The following HS3ST1 variants were observed in gnomAD, a reference collection of about 807,000 sequenced individuals.
HS3ST1 encodes the protein heparan sulfate glucosamine 3-O-sulfotransferase 1.
Under a neutral mutation model 20.7 loss-of-function variants are expected in HS3ST1, and 8 were observed. The ratio of observed to expected loss-of-function variants is 0.39; its 90% CI spans 0.23 to 0.70. The LOEUF is 0.70. HS3ST1 is among the 30% of genes least tolerant of loss of function. The pLI is 0.46. For missense variants in HS3ST1, 436 were observed against 423.4 expected (o/e 1.03, Z -0.26); for synonymous variants, 205 against 190.4 (o/e 1.08, Z -0.63).
upstream of HS3ST1, among the ~76,000 whole-genome samples, chr4:11,434,212 CTA>C (rs1388114168): frequency 6.6e-6 from 1 of 152,010 alleles, no homozygotes; most frequent in Non-Finnish European, 1.5e-5. Context: ...TAAGAACTGG[CTA>C]TATATATATT....
chr4:11,400,215 C>G (rs951710504), intron 1 of HS3ST1, 102 bp from the exon 2 acceptor site: 3 of 961,022 alleles, frequency 3.1e-6, no homozygotes, highest in South Asian at 4.9e-5. Context: ...TTCACCTCCC[C>G]AGGACTCTCA....
rs746680525 is a variant in HS3ST1, at chr4:11,399,251, T to C, written c.755A>G (p.Lys252Arg). The C allele has an allele frequency of 1.2e-6, 2 of 1,614,056 alleles. No homozygotes were observed. The highest frequency in any genetic ancestry group is 1.7e-5 in the Admixed American group (1 of 60,006). Residue 252 changes from lysine (K) to arginine (R), a missense_variant, in exon 2 of 2, where the codon AAG becomes AGG. Transcript: ENST00000002596. The surrounding 1 kb of genome is among the most constrained non-coding windows in gnomAD (Gnocchi z 5.1). Reference sequence around the variant, plus strand: ...GCTGTCCCGCAGGCAGTAAAAGCCCTTGGTTTTGTTAAAGTAGAAGTTCGA... The same window carrying C: ...GCTGTCCCGCAGGCAGTAAAAGCCCCTGGTTTTGTTAAAGTAGAAGTTCGA... ...NASNFYFNKT[K>R]GFYCLRDSGR...
intron 1 of HS3ST1, among the ~76,000 whole-genome samples, chr4:11,413,632 G>C (rs1007414525): frequency 2.0e-5 from 3 of 152,056 alleles, no homozygotes; most frequent in African/African-American, 7.2e-5. Flanking sequence ...AACAACTTGG[G>C]ACCATGCAGG....
chr4:11,399,524 A>T lies in HS3ST1; in HGVS notation c.482T>A (p.Phe161Tyr), dbSNP rs1408794311. Residue 161 changes from phenylalanine (F) to tyrosine (Y), a missense_variant, in exon 2 of 2, where the codon TTC becomes TAC. Transcript: ENST00000002596. The surrounding 1 kb of genome is among the most constrained non-coding windows in gnomAD (Gnocchi z 5.1). ...CTTGTGCTTCTGCATGTGGTTGTAG[A>T]ACACTTGGGTGTAGTCAGATAGCAC... ...ERVLSDYTQV[F>Y]YNHMQKHKPY... The T allele has an allele frequency of 6.8e-6, 11 of 1,613,922 alleles. No individual in the cohort carries two copies. Among genetic ancestry groups the T allele is most frequent in the Non-Finnish European group, 9.3e-6 (11 of 1,180,010 alleles).
chr4:11,396,779 G>A lies in HS3ST1; in HGVS notation c.*2303C>T, dbSNP rs781416377. On this transcript the variant is annotated 3_prime_UTR_variant, in exon 2 of 2. Coordinates refer to ENST00000002596, the MANE Select transcript of HS3ST1 (RefSeq NM_005114.4). ...CTCATTTGAACATTCCTTTAGCCAC[G>A]ACTCTGCACCCCCAAATGAAAACAT... is the stretch of plus-strand genomic sequence containing the variant. 6.6e-6 allele frequency: 1 copy of A among 152,186 alleles called. No individual in the cohort carries two copies. Among genetic ancestry groups the A allele is most frequent in the Non-Finnish European group, 1.5e-5 (1 of 68,074 alleles). The allele number at this position is 152,186 out of a possible 1,614,324, so 9.4% of individuals were successfully genotyped here.
upstream of HS3ST1, among the ~76,000 whole-genome samples, chr4:11,433,245 G>A (rs990668186): frequency 8.5e-5 from 13 of 152,158 alleles, no homozygotes; most frequent in Non-Finnish European, 1.3e-4. Flanking sequence ...TCTGGGCAGT[G>A]TGCCTAAGAC....
At chr4:11,411,451 T>C (rs1280091978) in intron 1 of HS3ST1, among the ~76,000 whole-genome samples, 36 of 152,224 alleles carry the variant, frequency 2.4e-4, no homozygotes, top group Admixed American at 2.4e-3. Context: ...ATACTGATGC[T>C]TCAGGTTCTA....
chr4:11,417,521 C>T (rs1459415166), intron 1 of HS3ST1, among the ~76,000 whole-genome samples: 1 of 152,028 alleles, frequency 6.6e-6, no homozygotes. Flanking sequence ...ATTCACCTGC[C>T]CAAGGTGATA....
intron 1 of HS3ST1, among the ~76,000 whole-genome samples, chr4:11,426,456 G>GT (rs907503382): frequency 6.6e-6 from 1 of 151,962 alleles, no homozygotes; most frequent in Non-Finnish European, 1.5e-5. Flanking sequence ...GGGACCCAGG[G>GT]GGGGGGCTTG....
Position 11,399,105 on chromosome 4 carries a change from C to G in HS3ST1, c.901G>C (p.Gly301Arg), listed in dbSNP as rs1401291949. 1.2e-6 allele frequency: 2 copies of G among 1,612,754 alleles called. No homozygotes were observed. The highest frequency in any genetic ancestry group is 1.7e-6 in the Non-Finnish European group (2 of 1,178,936). ...AATCAGTGCCAGTCAAATGTTCTGCCAACAAGCTCGAAGAACTTCTTATTT... is the reference window on the plus strand; with the variant it reads ...AATCAGTGCCAGTCAAATGTTCTGCGAACAAGCTCGAAGAACTTCTTATTT... ...EPNKKFFELV[G>R]RTFDWH The change falls in exon 2 of 2, where the codon GGC (glycine) becomes CGC (arginine). Residue 301 changes from glycine to arginine, a missense_variant. By Grantham distance (125) the Gly-to-Arg change is moderately radical (BLOSUM62 -2). Coordinates refer to ENST00000002596, the MANE Select transcript of HS3ST1 (RefSeq NM_005114.4). The surrounding 1 kb of genome is among the most constrained non-coding windows in gnomAD (Gnocchi z 5.1).
chr4:11,424,957 G>T (rs1435769479), intron 1 of HS3ST1, among the ~76,000 whole-genome samples: 3 of 152,238 alleles, frequency 2.0e-5, no homozygotes, highest in Middle Eastern at 3.4e-3. Context: ...TGAGTCTGAA[G>T]AGAGAGGGCA....
At chr4:11,431,622 T>G (rs1719208198), upstream of HS3ST1, among the ~76,000 whole-genome samples, 1 of 152,176 alleles carries the variant, frequency 6.6e-6, no homozygotes, top group Admixed American at 6.5e-5. Context: ...CTAGCCTACC[T>G]TTACAGACAC....
chr4:11,427,530 C>T (rs1467064892), intron 1 of HS3ST1, among the ~76,000 whole-genome samples: 1 of 152,198 alleles, frequency 6.6e-6, no homozygotes, highest in Non-Finnish European at 1.5e-5. Context: ...CCAAAAGCAT[C>T]TTGGCACAAG....
At position 11,420,339 on chromosome 4, in the gene HS3ST1, G is replaced by A. The variant is rs558293639; in HGVS notation, c.-109+8360C>T. 3.3e-5 allele frequency among the ~76,000 whole-genome samples: 5 copies of A among 152,336 alleles called. No homozygotes were observed. The South Asian group carries it at 1.0e-3, about 32-fold the overall frequency. On this transcript the variant is annotated intron_variant, in intron 1 of 1. Transcript: ENST00000002596. ...CTCAGAACGTCATGCTCCAGCAGTCGCAGGAGAGATCTCAGACTCAATTTA... is the reference window on the plus strand; with the variant it reads ...CTCAGAACGTCATGCTCCAGCAGTCACAGGAGAGATCTCAGACTCAATTTA...
chr4:11,393,534 A>AG lies in HS3ST1; in HGVS notation c.*5547dup, dbSNP rs1357506382. On this transcript the variant is annotated 3_prime_UTR_variant, in exon 2 of 2. Transcript: ENST00000002596. Reference sequence around the variant, plus strand: ...GTGGATGGTCTAGAAGCAAAGTCTGAGGGGGGATTCCTGTTTTCTTGGGAA... The same window carrying AG: ...GTGGATGGTCTAGAAGCAAAGTCTGAGGGGGGGATTCCTGTTTTCTTGGGAA... 2 of 152,218 alleles carry AG rather than the reference A, an allele frequency of 1.3e-5. No individual in the cohort carries two copies. The highest frequency in any genetic ancestry group is 4.8e-5 in the African/African-American group (2 of 41,460). The allele number at this position is 152,218 out of a possible 1,614,324, so 9.4% of individuals were successfully genotyped here.
intron 1 of HS3ST1, among the ~76,000 whole-genome samples, chr4:11,404,875 T>C (rs941068509): frequency 6.6e-6 from 1 of 152,224 alleles, no homozygotes; most frequent in African/African-American, 2.4e-5. Context: ...CTTGCTGTAA[T>C]CCTCACTGCA....
At chr4:11,412,908 A>T (rs904939808) in intron 1 of HS3ST1, among the ~76,000 whole-genome samples, 2 of 152,196 alleles carry the variant, frequency 1.3e-5, no homozygotes, top group African/African-American at 4.8e-5. Context: ...CCTAGGAGGC[A>T]AGTAGGTCAT....
upstream of HS3ST1, among the ~76,000 whole-genome samples, chr4:11,432,395 T>C (rs141301965): frequency 6.6e-6 from 1 of 152,304 alleles, no homozygotes; most frequent in African/African-American, 2.4e-5. Context: ...AGGTTAAAAA[T>C]CCAATTTTAA....
chr4:11,424,057 A>G (rs1719002941), intron 1 of HS3ST1, among the ~76,000 whole-genome samples: 1 of 138,732 alleles, frequency 7.2e-6, no homozygotes, highest in Non-Finnish European at 1.6e-5. Context: ...AAAAAAAAAA[A>G]ACATAACCAG....
Sources: gnomAD v4.1 joint callset for allele counts (sites outside exome capture counted in the v4.1 genomes callset) on GRCh38, gnomAD v4.1.1 for gene constraint, Gnocchi (gnomAD v3.1) non-coding constraint, MANE v1.5 for transcripts, NCBI Gene and HGNC (gene_info 2026-07-23, HGNC 2026-07-21) for gene names.